The following SORBS2 variants were observed in gnomAD, a reference collection of about 807,000 sequenced individuals.
SORBS2 encodes the protein sorbin and SH3 domain containing 2, also known as sorbin and SH3 domain-containing protein 2.
Under a neutral mutation model 97.7 loss-of-function variants are expected in SORBS2, and 46 were observed. That is an observed-to-expected ratio of 0.47 (90% confidence interval 0.37 to 0.60). The LOEUF is 0.60. SORBS2 is among the 20% of genes least tolerant of loss of function. SORBS2 has a pLI of 0.00. For synonymous variants in SORBS2, 476 were observed against 473.4 expected, an observed-to-expected ratio of 1.01 and a Z score of -0.07; for missense variants, 1,316 against 1,282.3, an observed-to-expected ratio of 1.03 and a Z score of -0.40.
At chr4:185,879,592 C>T (rs1361558407) in intron 1 of SORBS2, among the ~76,000 whole-genome samples, 1 of 152,154 alleles carries the variant, frequency 6.6e-6, no homozygotes, top group African/African-American at 2.4e-5. Flanking sequence ...GAGGAATCGC[C>T]ACAATGACTT....
At chr4:185,822,365 C>G (rs1009602365) in intron 1 of SORBS2, among the ~76,000 whole-genome samples, 1 of 152,208 alleles carries the variant, frequency 6.6e-6, no homozygotes, top group Non-Finnish European at 1.5e-5. Flanking sequence ...TCCTGAGACC[C>G]CCAAAGAGGA....
chr4:185,741,653 C>T (rs367665046), intron 2 of SORBS2, among the ~76,000 whole-genome samples: 3 of 152,036 alleles, frequency 2.0e-5, no homozygotes, highest in Admixed American at 6.6e-5. Flanking sequence ...CGTGAGCCAC[C>T]GCACCCGGCC....
Position 185,714,563 on chromosome 4 carries a change from G to A in SORBS2, c.-197-35741C>T, listed in dbSNP as rs1445771974. Among the ~76,000 whole-genome samples, 4 of 152,186 alleles carry A rather than the reference G, an allele frequency of 2.6e-5. No homozygotes were observed. In the East Asian group the frequency reaches 5.8e-4, roughly 22 times the overall value. ...AGGTGTATTAATCTGTTCTCGCACTGCTAATAAAGACATACCTGAGACTGG... is the reference window on the plus strand; with the variant it reads ...AGGTGTATTAATCTGTTCTCGCACTACTAATAAAGACATACCTGAGACTGG... On this transcript the variant is annotated intron_variant, in intron 2 of 20. Transcript: ENST00000284776.
chr4:185,879,169 C>CACT (rs879862691), intron 1 of SORBS2, among the ~76,000 whole-genome samples: 1 of 89,276 alleles, frequency 1.1e-5, no homozygotes. Flanking sequence ...TATCCCTCCC[C>CACT]CCCCCCCACC....
chr4:185,637,472 AT>A (rs2097033017), intron 4 of SORBS2, among the ~76,000 whole-genome samples: 1 of 152,202 alleles, frequency 6.6e-6, no homozygotes, highest in African/African-American at 2.4e-5. Flanking sequence ...ACGTGACTGT[AT>A]TTTGTAGTGG....
chr4:185,704,547 G>A (rs889608627), intron 2 of SORBS2, among the ~76,000 whole-genome samples: 1 of 152,032 alleles, frequency 6.6e-6, no homozygotes, highest in Non-Finnish European at 1.5e-5. Flanking sequence ...TCGAGTTCCT[G>A]ACCTCAGGTG....
chr4:185,707,163 T>C (rs1458507113), intron 2 of SORBS2, among the ~76,000 whole-genome samples: 2 of 152,338 alleles, frequency 1.3e-5, no homozygotes, highest in East Asian at 3.9e-4. Flanking sequence ...TTAATTGACC[T>C]GAGGCCTCAC....
At chr4:185,661,789 G>A (rs2097526302), upstream of SORBS2, among the ~76,000 whole-genome samples, 2 of 152,194 alleles carry the variant, frequency 1.3e-5, no homozygotes, top group Admixed American at 1.3e-4. Context: ...AGCTGCCCTA[G>A]TGGAAAACCT....
At chr4:185,687,642 A>G (rs892247897) in intron 2 of SORBS2, among the ~76,000 whole-genome samples, 1 of 152,196 alleles carries the variant, frequency 6.6e-6, no homozygotes, top group African/African-American at 2.4e-5. Context: ...GAGACATTAA[A>G]GGTCACTGTA....
intron 2 of SORBS2, chr4:185,709,934 A>G (rs961982600): frequency 6.6e-6 from 1 of 151,808 alleles, no homozygotes; most frequent in Non-Finnish European, 1.5e-5. Context: ...GTTCAGCTGT[A>G]ATTGACTAAG....
Position 185,623,603 on chromosome 4 carries a change from G to T in SORBS2, c.1526C>A (p.Ser509Tyr). 6.2e-7 allele frequency: 1 copy of T among 1,614,156 alleles called. No individual in the cohort carries two copies. The highest frequency in any genetic ancestry group is 8.5e-7 in the Non-Finnish European group (1 of 1,180,030). Reference sequence around the variant, plus strand: ...TAGGTGAATGTAGTCACTGTGGTCGGACACAACCCCGTCCTGGTCGCTGTC... The same window carrying T: ...TAGGTGAATGTAGTCACTGTGGTCGTACACAACCCCGTCCTGGTCGCTGTC... The change falls in exon 7 of 15, where the codon TCC (serine) becomes TAC (tyrosine). Residue 509 changes from serine (S) to tyrosine (Y), a missense_variant. Ser to Tyr is a moderately radical substitution (Grantham distance 144, BLOSUM62 -2). Transcript: ENST00000418609. This position sits in a 1 kb window ranked among gnomAD's most constrained non-coding sequence, Gnocchi z 6.4.
chr4:185,628,437 A>T (rs1247822731), intron 5 of SORBS2, among the ~76,000 whole-genome samples: 1 of 152,086 alleles, frequency 6.6e-6, no homozygotes, highest in East Asian at 1.9e-4. Context: ...GTTATATTGG[A>T]ATTCCAACAT....
intron 2 of SORBS2, among the ~76,000 whole-genome samples, chr4:185,709,432 T>C (rs2098397733): frequency 6.6e-6 from 1 of 151,896 alleles, no homozygotes; most frequent in Non-Finnish European, 1.5e-5. Context: ...AGGGTAGGAA[T>C]AATTATTGGT....
At chr4:185,690,929 C>T (rs188613751) in intron 2 of SORBS2, among the ~76,000 whole-genome samples, 62 of 151,018 alleles carry the variant, frequency 4.1e-4, no homozygotes, top group Middle Eastern at 3.4e-3. Context: ...AGACAGAGTC[C>T]GCCACTGTCG....
rs139676041 is a variant in SORBS2, at chr4:185,760,520, G to A, written c.-198+14707C>T. 4.8e-3 allele frequency among the ~76,000 whole-genome samples: 738 copies of A among 152,258 alleles called. 1 individual carries two copies. Among genetic ancestry groups the A allele is most frequent in the African/African-American group, 0.017 (704 of 41,534 alleles). On this transcript the variant is annotated intron_variant, in intron 2 of 20. Coordinates refer to the SORBS2 transcript ENST00000284776. ...GGAGATTGCAGTGAGCTGAGATCGC[G>A]CCATTGCGCTCCAGCCTGGGCAACA...
intron 1 of SORBS2, among the ~76,000 whole-genome samples, chr4:185,802,539 G>C (rs1308816601): frequency 2.6e-5 from 4 of 152,124 alleles, no homozygotes; most frequent in Non-Finnish European, 4.4e-5. Flanking sequence ...AAACAAATTA[G>C]AAAGAATACA....
chr4:185,785,342 CA>C (rs2099051356), intron 1 of SORBS2, among the ~76,000 whole-genome samples: 1 of 151,976 alleles, frequency 6.6e-6, no homozygotes, highest in Admixed American at 6.6e-5. Flanking sequence ...CAGAGTTAAA[CA>C]AAGTTAAAAA....
chr4:185,676,915 A>T, intron 4 of SORBS2: 1 of 1,133,736 alleles, frequency 8.8e-7, no homozygotes, highest in Non-Finnish European at 1.2e-6. Flanking sequence ...GCATTAGGTC[A>T]TATAAGAAGC....
intron 2 of SORBS2, among the ~76,000 whole-genome samples, chr4:185,683,069 C>G (rs982132037): frequency 6.6e-6 from 1 of 151,532 alleles, no homozygotes; most frequent in Non-Finnish European, 1.5e-5. Context: ...TACTTTACGT[C>G]TAATTGACAC....
Sources: allele counts gnomAD v4.1 joint callset (sites outside exome capture counted in the v4.1 genomes callset), GRCh38; gene constraint gnomAD v4.1.1; non-coding constraint Gnocchi (gnomAD v3.1); transcripts MANE v1.5; gene names NCBI Gene and HGNC (gene_info 2026-07-23, HGNC 2026-07-21).